PPT2: variants seen among roughly 807,000 people sequenced by gnomAD.
PPT2 encodes the protein palmitoyl-protein thioesterase 2.
A neutral mutation model predicts 37.3 loss-of-function variants in PPT2; 20 were observed. That is an observed-to-expected ratio of 0.54 (90% CI 0.38 to 0.78). The LOEUF is 0.78. Ranked by LOEUF, PPT2 falls within the 30% of genes least tolerant of loss-of-function variation. The pLI is 0.00. For missense variants in PPT2, 270 were observed against 389.8 expected (o/e 0.69, Z 2.59); for synonymous variants, 135 against 159.1 (o/e 0.85, Z 1.14).
Position 32,159,173 on chromosome 6 carries a change from G to A in PPT2, c.710+1249G>A, listed in dbSNP as rs566279184. 2.0e-4 allele frequency among the ~76,000 whole-genome samples: 30 copies of A among 151,938 alleles called. 1 individual carries two copies. The South Asian group carries it at 4.8e-3, about 24-fold the overall frequency. On this transcript the variant is annotated intron_variant, in intron 7 of 8. Coordinates refer to ENST00000324816, the MANE Select transcript of PPT2 (RefSeq NM_005155.7). ...AAATAGACTGGGTGTGGTGGCTCAC[G>A]CCTGTAATCCCAGCACTTTGGGAGG...
chr6:32,153,918 CT>C (rs1783531020), upstream of PPT2: 1 of 1,358,198 alleles, frequency 7.4e-7, no homozygotes, highest in Admixed American at 3.2e-5. This position sits in a 1 kb window ranked among gnomAD's most constrained non-coding sequence, Gnocchi z 4.4. Context: ...GAGAGGCCTT[CT>C]TTCCATTCCC....
In PPT2 at chr6:32,154,224, C is replaced by T; in HGVS notation, c.-189C>T. ...TGGGATAAGTAAACAGCGGGTGGAG[C>T]GAGGCCTACGGACCCAGGCCAGGTG... On this transcript the variant is annotated 5_prime_UTR_variant, in exon 1 of 9. Coordinates refer to ENST00000324816, the MANE Select transcript of PPT2 (RefSeq NM_005155.7). The surrounding 1 kb of genome is among the most constrained non-coding windows in gnomAD (Gnocchi z 7.3). 8.6e-7 allele frequency: 1 copy of T among 1,162,314 alleles called. No individual in the cohort carries two copies. Among genetic ancestry groups the T allele is most frequent in the Non-Finnish European group, 1.1e-6 (1 of 941,986 alleles). 72.0% of individuals were successfully genotyped at this position (1,162,314 alleles called of 1,614,324 possible). A position where few individuals can be genotyped will look rare whatever the true frequency, so the allele number is the denominator to read the frequency against.
intron 7 of PPT2, chr6:32,158,138 A>C: frequency 6.0e-6 from 3 of 500,536 alleles, no homozygotes; most frequent in African/African-American, 2.0e-5. Context: ...TCTCCTCTCC[A>C]TCCCTATCAC....
rs781701130 is a variant in PPT2, at chr6:32,155,202, C to T, written c.337+19C>T. 3.5e-5 allele frequency: 57 copies of T among 1,612,344 alleles called. 1 individual carries two copies. The highest frequency in any genetic ancestry group is 4.7e-5 in the Non-Finnish European group (55 of 1,179,536). ...TCGCAGGGTAGGCGACTCCCCTGCCCCTAACTCCTAAGCCCTATCTGAGGC... is the reference window on the plus strand; with the variant it reads ...TCGCAGGGTAGGCGACTCCCCTGCCTCTAACTCCTAAGCCCTATCTGAGGC... On this transcript the variant is annotated intron_variant, in intron 3 of 8. Coordinates refer to ENST00000324816, the MANE Select transcript of PPT2 (RefSeq NM_005155.7). The surrounding 1 kb of genome is among the most constrained non-coding windows in gnomAD (Gnocchi z 4.3).
At position 32,163,318 on chromosome 6, in the gene PPT2, A is replaced by G. The variant is rs908165572; in HGVS notation, c.*368A>G. On this transcript the variant is annotated 3_prime_UTR_variant, in exon 9 of 9. Coordinates refer to ENST00000324816, the MANE Select transcript of PPT2 (RefSeq NM_005155.7). ...TGGGTGGAGAACCCACCCCCTGCCC[A>G]CCACAGGGGTCTCCTTCCAGGCCAC... 8.3e-6 allele frequency: 2 copies of G among 241,384 alleles called. No homozygotes were observed. The highest frequency in any genetic ancestry group is 4.5e-5 in the African/African-American group (2 of 44,474). 15.0% of individuals were successfully genotyped at this position (241,384 alleles called of 1,614,324 possible).
Position 32,155,761 on chromosome 6 carries a change from T to G in PPT2, c.411T>G (p.Ser137=). The part of the protein sequence containing the change: ...HNVDSFISLS[S]PQMGQYGDTD... Reference sequence around the variant, plus strand: ...TGGATTCTTTCATCTCCCTCTCCTCTCCACAGATGGGACAGTATGGAGGTG... The same window carrying G: ...TGGATTCTTTCATCTCCCTCTCCTCGCCACAGATGGGACAGTATGGAGGTG... The change falls in exon 4 of 9, where the codon TCT becomes TCG. Residue 137 remains serine (S), a synonymous_variant. Transcript: ENST00000324816. The surrounding 1 kb of genome is among the most constrained non-coding windows in gnomAD (Gnocchi z 4.3). 6.2e-7 allele frequency: 1 copy of G among 1,614,020 alleles called. No individual in the cohort carries two copies. Among genetic ancestry groups the G allele is most frequent in the South Asian group, 1.1e-5 (1 of 91,084 alleles).
chr6:32,157,042 A>T (rs544077054), intron 5 of PPT2: 82 of 152,214 alleles, frequency 5.4e-4, no homozygotes, highest in Middle Eastern at 3.4e-3. Flanking sequence ...ATTTAGCTGA[A>T]TGTGGGCACA....
At chr6:32,157,043 T>C (rs560696287) in intron 5 of PPT2, 1 of 152,202 alleles carries the variant, frequency 6.6e-6, no homozygotes, top group East Asian at 1.9e-4. Flanking sequence ...TTTAGCTGAA[T>C]GTGGGCACAC....
At position 32,162,657 on chromosome 6, in the gene PPT2, C is replaced by T; in HGVS notation, c.765+35C>T. On this transcript the variant is annotated intron_variant, in intron 8 of 8. Coordinates refer to ENST00000324816, the MANE Select transcript of PPT2 (RefSeq NM_005155.7). The surrounding 1 kb of genome is among the most constrained non-coding windows in gnomAD (Gnocchi z 5.5). ...CTGGGATTACTTCCCCTTCTAGCCG[C>T]TGTCCCACCTTATTCCAGAGCCCTC... The T allele has an allele frequency of 6.3e-7, 1 of 1,582,674 alleles. No individual in the cohort carries two copies. Among genetic ancestry groups the T allele is most frequent in the Non-Finnish European group, 8.7e-7 (1 of 1,151,404 alleles).
upstream of PPT2, chr6:32,153,906 T>A (rs937777837): frequency 7.6e-7 from 1 of 1,317,396 alleles, no homozygotes; most frequent in Non-Finnish European, 1.0e-6. This position sits in a 1 kb window ranked among gnomAD's most constrained non-coding sequence, Gnocchi z 4.4. Flanking sequence ...CAACGAAGCC[T>A]GGAGAGGCCT....
In PPT2 at chr6:32,154,843, G is replaced by T; in HGVS notation, c.183+66G>T. ...CTACTGTGGCAGGGGAGGGAGAGCGGGGAACTGAAAGCCACCCCTCTGGGC... is the reference window on the plus strand; with the variant it reads ...CTACTGTGGCAGGGGAGGGAGAGCGTGGAACTGAAAGCCACCCCTCTGGGC... On this transcript the variant is annotated intron_variant, in intron 2 of 8. Coordinates refer to ENST00000324816, the MANE Select transcript of PPT2 (RefSeq NM_005155.7). The surrounding 1 kb of genome is among the most constrained non-coding windows in gnomAD (Gnocchi z 7.3). 6.4e-7 allele frequency: 1 copy of T among 1,560,060 alleles called. No homozygotes were observed. The highest frequency in any genetic ancestry group is 8.7e-7 in the Non-Finnish European group (1 of 1,147,612).
chr6:32,159,490 C>T (rs889688785), intron 7 of PPT2, among the ~76,000 whole-genome samples: 2 of 144,828 alleles, frequency 1.4e-5, no homozygotes, highest in Admixed American at 1.4e-4. Flanking sequence ...CCCTATTTCC[C>T]GACAGTCCCG....
At chr6:32,161,587 CCT>C (rs1491171932) in intron 7 of PPT2, among the ~76,000 whole-genome samples, 1 of 132,806 alleles carries the variant, frequency 7.5e-6, no homozygotes, top group Non-Finnish European at 1.6e-5. Context: ...CCACACCTGG[CCT>C]CTTTTTTTTT....
chr6:32,157,783 C>T (rs1305403990), intron 6 of PPT2, 57 bp from the exon 7 acceptor site: 7 of 1,575,528 alleles, frequency 4.4e-6, no homozygotes, highest in Non-Finnish European at 6.1e-6. Context: ...ATGTCTCCCT[C>T]TCCAACCTGG....
Position 32,162,913 on chromosome 6 carries a change from C to A in PPT2, c.872C>A (p.Thr291Asn). 1 of 1,614,148 alleles carries A rather than the reference C, an allele frequency of 6.2e-7. No individual in the cohort carries two copies. Among genetic ancestry groups the A allele is most frequent in the South Asian group, 1.1e-5 (1 of 91,076 alleles). The change falls in exon 9 of 9, where the codon ACC becomes AAC. Residue 291 changes from threonine to asparagine, a missense_variant. By Grantham distance (65) the Thr-to-Asn change is moderately conservative. Coordinates refer to ENST00000324816, the MANE Select transcript of PPT2 (RefSeq NM_005155.7). The surrounding 1 kb of genome is among the most constrained non-coding windows in gnomAD (Gnocchi z 5.5). ...ISHTAWHSNR[T>N]LYETCIEPWL... is the part of the protein sequence containing the mutation. Reference sequence around the variant, plus strand: ...CACACAGCCTGGCACTCCAACCGTACCCTTTATGAGACCTGCATTGAACCT... The same window carrying A: ...CACACAGCCTGGCACTCCAACCGTAACCTTTATGAGACCTGCATTGAACCT...
chr6:32,155,657 G>T lies in PPT2; in HGVS notation c.338-31G>T, dbSNP rs754686629. The T allele has an allele frequency of 4.4e-6, 7 of 1,590,864 alleles. No homozygotes were observed. The East Asian group carries it at 1.6e-4, about 36-fold the overall frequency. ...GTGCTGCTGGCTTTGCTGTCCTTAA[G>T]TGCCTGCCCAATGTGGTGTTCTGCT... On this transcript the variant is annotated intron_variant, in intron 3 of 8. Transcript: ENST00000324816. The surrounding 1 kb of genome is among the most constrained non-coding windows in gnomAD (Gnocchi z 4.3).
At position 32,155,118 on chromosome 6, in the gene PPT2, G is replaced by T. The variant is rs148788801; in HGVS notation, c.272G>T (p.Arg91Leu). The change falls in exon 3 of 9, where the codon CGA becomes CTA. Residue 91 changes from arginine (R) to leucine (L), a missense_variant. Coordinates refer to ENST00000324816, the MANE Select transcript of PPT2 (RefSeq NM_005155.7). This position sits in a 1 kb window ranked among gnomAD's most constrained non-coding sequence, Gnocchi z 4.3. ...CTGTGGGAACAGGTGCAAGGGTTCC[G>T]AGAGGCTGTGGTCCCCATCATGGCA... ...RPLWEQVQGF[R>L]EAVVPIMAKA... The T allele has an allele frequency of 2.5e-6, 4 of 1,613,024 alleles. No individual in the cohort carries two copies. Among genetic ancestry groups the T allele is most frequent in the Middle Eastern group, 1.6e-4 (1 of 6,082 alleles).
At position 32,156,684 on chromosome 6, in the gene PPT2, C is replaced by A. The variant is rs1354201744; in HGVS notation, c.541+706C>A. On this transcript the variant is annotated intron_variant, in intron 5 of 8. Transcript: ENST00000324816. This position sits in a 1 kb window ranked among gnomAD's most constrained non-coding sequence, Gnocchi z 4.9. ...ACAGTTTGCCAACCTCTAGACCAGA[C>A]CATGGGGCCAGAATACTTGGGTTTG... 2.6e-5 allele frequency among the ~76,000 whole-genome samples: 4 copies of A among 152,164 alleles called. No individual in the cohort carries two copies. The highest frequency in any genetic ancestry group is 4.4e-5 in the Non-Finnish European group (3 of 68,034).
At chr6:32,158,222 A>G (rs938959728) in intron 7 of PPT2, 4 of 387,198 alleles carry the variant, frequency 1.0e-5, no homozygotes, top group Non-Finnish European at 1.9e-5. Flanking sequence ...AAGATAGTAT[A>G]GCAAGGCCCT....
Sources: allele counts gnomAD v4.1 joint callset (sites outside exome capture counted in the v4.1 genomes callset), GRCh38; gene constraint gnomAD v4.1.1; non-coding constraint Gnocchi (gnomAD v3.1); transcripts MANE v1.5; gene names NCBI Gene and HGNC (gene_info 2026-07-23, HGNC 2026-07-21).